NDUFS7: variants seen among roughly 807,000 people sequenced by gnomAD.
NDUFS7 encodes NADH:ubiquinone oxidoreductase core subunit S7.
A neutral mutation model predicts 31.1 loss-of-function variants in NDUFS7; 11 were observed. The observed-to-expected ratio is 0.35, with a 90% CI of 0.22 to 0.59. The LOEUF (loss-of-function observed/expected upper bound fraction) is 0.59, where lower values mean the gene tolerates loss of function less well. Ranked by LOEUF, NDUFS7 falls within the 20% of genes least tolerant of loss-of-function variation. The pLI is 0.79. For missense variants in NDUFS7, 263 were observed against 324.2 expected, an observed-to-expected ratio of 0.81 and a Z score of 1.45; for synonymous variants, 136 against 127.9, an observed-to-expected ratio of 1.06 and a Z score of -0.43.
chr19:1,387,903 G>T, intron 2 of NDUFS7, 56 bp downstream of exon 2: 2 of 547,886 alleles, frequency 3.7e-6, no homozygotes, highest in South Asian at 3.2e-5. Flanking sequence ...AGCGACAGAC[G>T]AACGGGGCGG....
intron 7 of NDUFS7, chr19:1,394,700 CTG>C (rs2082583848): frequency 8.4e-7 from 1 of 1,194,390 alleles, no homozygotes; most frequent in Admixed American, 3.3e-5. Flanking sequence ...TCCCTGCGGA[CTG>C]TGCTTCTCCC....
chr19:1,386,222 A>G (rs549010549), intron 1 of NDUFS7, among the ~76,000 whole-genome samples: 1 of 152,288 alleles, frequency 6.6e-6, no homozygotes, highest in Non-Finnish European at 1.5e-5. Context: ...CAGCCTCTCC[A>G]TCGGGCCTCA....
chr19:1,387,895 C>A (rs372405863), intron 2 of NDUFS7, 48 bp downstream of exon 2: 19 of 1,065,536 alleles, frequency 1.8e-5, no homozygotes, highest in Non-Finnish European at 2.6e-5. Context: ...CCTTCAGCAG[C>A]GACAGACGAA....
At chr19:1,392,183 C>T (rs568646832) in intron 6 of NDUFS7, 1 of 148,114 alleles carries the variant, frequency 6.8e-6, no homozygotes, top group East Asian at 2.0e-4. Context: ...GACAGAGTCT[C>T]ACTGAGTTGC....
intron 7 of NDUFS7, chr19:1,395,040 C>T (rs1230695211): frequency 2.5e-6 from 3 of 1,190,310 alleles, no homozygotes; most frequent in Non-Finnish European, 3.2e-6. Flanking sequence ...GGGCCCTGCT[C>T]CCCACTGCTA....
chr19:1,389,205 GCTTGCACACATACACACATGCACA>G, intron 4 of NDUFS7: 1 of 682,872 alleles, frequency 1.5e-6, no homozygotes, highest in South Asian at 1.5e-5. Flanking sequence ...GTGCACACAC[GCTTGCACACATACACACATGCACA>G]CTTGCACTCA....
chr19:1,394,401 C>G, intron 7 of NDUFS7: 2 of 1,289,278 alleles, frequency 1.6e-6, no homozygotes, highest in South Asian at 2.5e-5. Context: ...GTGGACTGTA[C>G]TCCTCCCTCC....
In NDUFS7 at chr19:1,393,825, G is replaced by A; in HGVS notation, c.544+495G>A. 3.0e-6 allele frequency: 1 copy of A among 337,954 alleles called. No homozygotes were observed. The highest frequency in any genetic ancestry group is 2.1e-5 in the African/African-American group (1 of 48,000). The allele number at this position is 337,954 out of a possible 1,614,324, so 20.9% of individuals were successfully genotyped here. A position where few individuals can be genotyped will look rare whatever the true frequency, so the allele number is the denominator to read the frequency against. On this transcript the variant is annotated intron_variant, in intron 7 of 7. Transcript: ENST00000233627. The surrounding 1 kb of genome is among the most constrained non-coding windows in gnomAD (Gnocchi z 7.3). ...GAAAACTGTTAGTAGTAATTGTTTA[G>A]TACGAGTATATCCCAACAATATTTG...
At chr19:1,394,764 G>A (rs993971989) in intron 7 of NDUFS7, 100 of 1,184,420 alleles carry the variant, frequency 8.4e-5, no homozygotes, top group Middle Eastern at 3.8e-4. Flanking sequence ...GGGCCTGGCC[G>A]CCCTTTCCCA....
rs775660370 is a variant in NDUFS7 at position 1,391,184 on chromosome 19, GT to G, written c.455+20del. 43 of 1,610,084 alleles carry G rather than the reference GT, an allele frequency of 2.7e-5. No individual in the cohort carries two copies. Among genetic ancestry groups the G allele is most frequent in the Non-Finnish European group, 5.1e-6 (6 of 1,178,864 alleles). On this transcript the variant is annotated intron_variant, in intron 6 of 7. Transcript: ENST00000233627. ...TGGGGAGGTGAGTGCAGGGCGGGGG[GT>G]CTCCAGGGACAGACGTAGCGTGAGT...
At chr19:1,388,484 G>A in intron 2 of NDUFS7, 41 bp from the exon 3 acceptor site, 28 of 1,588,980 alleles carry the variant, frequency 1.8e-5, no homozygotes, top group Non-Finnish European at 2.4e-5. Flanking sequence ...GAGCTGGAGG[G>A]GCCTGGGACA....
chr19:1,388,733 G>A (rs775188712), intron 3 of NDUFS7, 100 bp from the exon 4 acceptor site: 1 of 1,443,298 alleles, frequency 6.9e-7, no homozygotes. Flanking sequence ...CTGACCTCAT[G>A]TGGGTCCAGG....
chr19:1,395,581 C>G lies in NDUFS7; in HGVS notation c.*93C>G. On this transcript the variant is annotated 3_prime_UTR_variant, in exon 8 of 8. Transcript: ENST00000233627. Reference sequence around the variant, plus strand: ...GTCAATAAACCTGCCCTCGGGCTGCCGCCTCCCAGTGTGGTGTGTGGGTGA... The same window carrying G: ...GTCAATAAACCTGCCCTCGGGCTGCGGCCTCCCAGTGTGGTGTGTGGGTGA... 2 of 1,416,012 alleles carry G rather than the reference C, an allele frequency of 1.4e-6. No individual in the cohort carries two copies. Among genetic ancestry groups the G allele is most frequent in the Non-Finnish European group, 1.9e-6 (2 of 1,030,914 alleles). The allele number at this position is 1,416,012 out of a possible 1,614,324, so 87.7% of individuals were successfully genotyped here.
At chr19:1,389,003 CACAT>C (rs748918090) in intron 4 of NDUFS7, 65 bp downstream of exon 4, 3 of 1,291,110 alleles carry the variant, frequency 2.3e-6, no homozygotes, top group Admixed American at 2.0e-5. Context: ...CACAGGCACA[CACAT>C]ACACACACCA....
rs534247710 is a variant in NDUFS7, at chr19:1,393,955, G to A, written c.544+625G>A. ...ATCCCGTGGGACTCTTGCACCTCAC[G>A]TGGTCCCACGAGGGCCATCCCCCCG... On this transcript the variant is annotated intron_variant, in intron 7 of 7. Coordinates refer to ENST00000233627, the MANE Select transcript of NDUFS7 (RefSeq NM_024407.5). This position sits in a 1 kb window ranked among gnomAD's most constrained non-coding sequence, Gnocchi z 7.3. 4.6e-5 allele frequency: 11 copies of A among 240,086 alleles called. No homozygotes were observed. The highest frequency in any genetic ancestry group is 4.3e-4 in the East Asian group (4 of 9,234). 14.9% of individuals were successfully genotyped at this position (240,086 alleles called of 1,614,324 possible).
rs978012081 is a variant in NDUFS7, at chr19:1,393,608, T to C, written c.544+278T>C. On this transcript the variant is annotated intron_variant, in intron 7 of 7. Transcript: ENST00000233627. The surrounding 1 kb of genome is among the most constrained non-coding windows in gnomAD (Gnocchi z 7.3). Reference sequence around the variant, plus strand: ...TACAGCAGTTTCATATGGTCCTACCTGGCACAAACCAAAGACCTGCAGTTA... The same window carrying C: ...TACAGCAGTTTCATATGGTCCTACCCGGCACAAACCAAAGACCTGCAGTTA... The C allele has an allele frequency of 1.2e-5, 7 of 608,588 alleles. No homozygotes were observed. In the Admixed American group the frequency reaches 1.6e-4, roughly 14 times the overall value. The allele number at this position is 608,588 out of a possible 1,614,324, so 37.7% of individuals were successfully genotyped here.
Position 1,395,552 on chromosome 19 carries a change from G to C in NDUFS7, c.*64G>C, listed in dbSNP as rs2082592116. 9 of 1,536,494 alleles carry C rather than the reference G, an allele frequency of 5.9e-6. No homozygotes were observed. In the South Asian group the frequency reaches 1.1e-4, roughly 18 times the overall value. ...TCCCCAGCCTGCTTGTGTCCCGTGA[G>C]GTTGTCAATAAACCTGCCCTCGGGC... On this transcript the variant is annotated 3_prime_UTR_variant, in exon 8 of 8. Coordinates refer to ENST00000233627, the MANE Select transcript of NDUFS7 (RefSeq NM_024407.5).
intron 2 of NDUFS7, 59 bp from the exon 3 acceptor site, chr19:1,388,466 G>A (rs1185727064): frequency 2.0e-6 from 3 of 1,491,998 alleles, no homozygotes; most frequent in African/African-American, 1.4e-5. Context: ...CAGTGAGTGC[G>A]GCTGGGGGAG....
chr19:1,390,656 T>G, intron 4 of NDUFS7: 8 of 599,094 alleles, frequency 1.3e-5, no homozygotes, highest in East Asian at 5.6e-5. Context: ...ATCTCACCCG[T>G]TTCTCTCTAT....
Sources: gnomAD v4.1 joint callset for allele counts (sites outside exome capture counted in the v4.1 genomes callset) on GRCh38, gnomAD v4.1.1 for gene constraint, Gnocchi (gnomAD v3.1) non-coding constraint, MANE v1.5 for transcripts, NCBI Gene and HGNC (gene_info 2026-07-23, HGNC 2026-07-21) for gene names.